The following PLOD2 variants were observed in gnomAD, a reference collection of about 807,000 sequenced individuals.
PLOD2 encodes the protein lysine hydroxylase 2.
PLOD2 carries 65 observed loss-of-function variants against 101.0 expected under a neutral mutation model. That is an observed-to-expected ratio of 0.64 (90% CI 0.53 to 0.79). The LOEUF (loss-of-function observed/expected upper bound fraction) is 0.79, where lower values mean the gene tolerates loss of function less well. Ranked by LOEUF, PLOD2 falls within the 30% of genes least tolerant of loss-of-function variation. The pLI, the probability that PLOD2 is intolerant of heterozygous loss-of-function variation, is 0.00. For missense variants in PLOD2, 909 were observed against 914.6 expected, an observed-to-expected ratio of 0.99 and a Z score of 0.08; for synonymous variants, 314 against 302.9, an observed-to-expected ratio of 1.04 and a Z score of -0.38.
intron 8 of PLOD2, 98 bp from the exon 9 acceptor site, chr3:146,088,809 GAATATCAATTC>G: frequency 9.8e-7 from 1 of 1,022,052 alleles, no homozygotes; most frequent in South Asian, 1.4e-5. Flanking sequence ...AAAAATACTA[GAATATCAATTC>G]AACATAATCT....
intron 1 of PLOD2, among the ~76,000 whole-genome samples, chr3:146,149,347 G>T (rs1188677419): frequency 6.6e-6 from 1 of 152,010 alleles, no homozygotes; most frequent in Non-Finnish European, 1.5e-5. Context: ...TTTAAATCTG[G>T]TTATAGAAAA....
At chr3:146,072,216 T>C (rs1041330961) in intron 17 of PLOD2, among the ~76,000 whole-genome samples, 2 of 151,722 alleles carry the variant, frequency 1.3e-5, no homozygotes, top group African/African-American at 4.8e-5. Context: ...CACAGCTCAC[T>C]GTGAAAACGC....
intron 1 of PLOD2, among the ~76,000 whole-genome samples, chr3:146,147,458 C>T (rs2031834993): frequency 6.6e-6 from 1 of 152,042 alleles, no homozygotes; most frequent in Non-Finnish European, 1.5e-5. Context: ...TAGAAGTGTG[C>T]CATCAGACTG....
intron 1 of PLOD2, among the ~76,000 whole-genome samples, chr3:146,148,314 A>ACAGG (rs1199046850): frequency 5.6e-4 from 74 of 132,562 alleles, no homozygotes; most frequent in Admixed American, 2.5e-3. Context: ...AATTATTTAT[A>ACAGG]CAGGCAGGCA....
chr3:146,103,878 G>A (rs543316728), intron 6 of PLOD2, among the ~76,000 whole-genome samples: 130 of 148,870 alleles, frequency 8.7e-4, no homozygotes, highest in African/African-American at 3.1e-3. Flanking sequence ...CTCTTCCCCA[G>A]TCTACTGTCT....
In PLOD2 at chr3:146,128,880, CTTTTTTTTTT is replaced by C. The variant is rs3975816; in HGVS notation, c.110-4661_110-4652del. On this transcript the variant is annotated intron_variant, in intron 1 of 19. Coordinates refer to ENST00000282903, the MANE Select transcript of PLOD2 (RefSeq NM_182943.3). ...CAGCTTCTGAAGTCCATCTGAAATCCTTTTTTTTTTTTTTTTTTTTTTTTTTTTTGAGACG... is the reference window on the plus strand; with the variant it reads ...CAGCTTCTGAAGTCCATCTGAAATCCTTTTTTTTTTTTTTTTTTTGAGACG... Among the ~76,000 whole-genome samples, 20 of 73,226 alleles carry C rather than the reference CTTTTTTTTTT, an allele frequency of 2.7e-4. 1 individual carries two copies. The highest frequency in any genetic ancestry group is 1.1e-3 in the Admixed American group (5 of 4,354). 48.0% of individuals were successfully genotyped at this position (73,226 alleles called of 152,430 possible).
intron 3 of PLOD2, among the ~76,000 whole-genome samples, chr3:146,116,504 GAAAAT>G (rs1937917259): frequency 6.6e-6 from 1 of 152,034 alleles, no homozygotes; most frequent in Admixed American, 6.6e-5. Flanking sequence ...CTGTTGGAAA[GAAAAT>G]AAGTATATCA....
At chr3:146,109,165 T>C (rs1352261750) in intron 4 of PLOD2, among the ~76,000 whole-genome samples, 3 of 152,186 alleles carry the variant, frequency 2.0e-5, no homozygotes, top group Non-Finnish European at 4.4e-5. Flanking sequence ...CACTTGAATA[T>C]GGAAGTTAAA....
At chr3:146,145,119 A>G (rs2031716482) in intron 1 of PLOD2, among the ~76,000 whole-genome samples, 1 of 152,166 alleles carries the variant, frequency 6.6e-6, no homozygotes, top group African/African-American at 2.4e-5. Context: ...AATTTAGATG[A>G]CAAACGTCAT....
rs376387200 is a variant in PLOD2 at position 146,106,568 on chromosome 3, G to C, written c.579C>G (p.Leu193=). ...WNLQDNDDDQ[L]FYTKVYIDPL... is the part of the protein sequence containing the mutation. ...GATCAATGTAAACTTTAGTGTAAAA[G>C]AGCTGATCATCATCATTATCCTGGA... The change falls in exon 5 of 20, where the codon CTC becomes CTG. Residue 193 remains leucine, a synonymous_variant. Coordinates refer to ENST00000282903, the MANE Select transcript of PLOD2 (RefSeq NM_182943.3). 6.3e-7 allele frequency: 1 copy of C among 1,586,564 alleles called. No homozygotes were observed. Among genetic ancestry groups the C allele is most frequent in the Non-Finnish European group, 8.7e-7 (1 of 1,155,162 alleles).
chr3:146,155,206 G>GC (rs2032240265), intron 1 of PLOD2, among the ~76,000 whole-genome samples: 1 of 152,108 alleles, frequency 6.6e-6, no homozygotes, highest in Admixed American at 6.6e-5. Context: ...TGCAGTCCCA[G>GC]CTACTTGGGA....
intron 1 of PLOD2, among the ~76,000 whole-genome samples, chr3:146,124,836 A>G (rs1188464373): frequency 6.6e-6 from 1 of 152,042 alleles, no homozygotes; most frequent in Non-Finnish European, 1.5e-5. Flanking sequence ...GTTTCTCTTT[A>G]AAGAATAAAT....
chr3:146,114,463 C>A (rs975320259), intron 3 of PLOD2, among the ~76,000 whole-genome samples: 1 of 152,128 alleles, frequency 6.6e-6, no homozygotes, highest in African/African-American at 2.4e-5. Context: ...ATCCAGCCAA[C>A]AGTCCCAGCT....
At chr3:146,074,432 C>T (rs1936259071) in intron 15 of PLOD2, among the ~76,000 whole-genome samples, 1 of 151,310 alleles carries the variant, frequency 6.6e-6, no homozygotes, top group African/African-American at 2.4e-5. Flanking sequence ...AATATTTATA[C>T]CATAATTTAT....
intron 1 of PLOD2, among the ~76,000 whole-genome samples, chr3:146,133,958 G>A (rs184860418): frequency 7.8e-4 from 119 of 152,264 alleles, no homozygotes; most frequent in African/African-American, 2.8e-3. Context: ...AGCTTGGGAT[G>A]CTAAATTAAG....
At chr3:146,107,942 C>T (rs778918123) in intron 4 of PLOD2, among the ~76,000 whole-genome samples, 17 of 151,778 alleles carry the variant, frequency 1.1e-4, no homozygotes, top group Non-Finnish European at 2.1e-4. Flanking sequence ...CCATGCCTGG[C>T]ATCAAATAAA....
At chr3:146,097,034 G>A (rs866471611) in intron 7 of PLOD2, among the ~76,000 whole-genome samples, 6 of 144,786 alleles carry the variant, frequency 4.1e-5, no homozygotes, top group African/African-American at 7.8e-5. Context: ...CAGCCGCCCC[G>A]TCCGGGAGGT....
intron 12 of PLOD2, among the ~76,000 whole-genome samples, chr3:146,081,050 A>G (rs1292010213): frequency 6.6e-6 from 1 of 152,124 alleles, no homozygotes; most frequent in Non-Finnish European, 1.5e-5. Flanking sequence ...AAGGCAAAGC[A>G]TGTAATGTCT....
intron 4 of PLOD2, among the ~76,000 whole-genome samples, chr3:146,109,004 C>T (rs952750000): frequency 6.6e-6 from 1 of 152,140 alleles, no homozygotes; most frequent in African/African-American, 2.4e-5. Flanking sequence ...GGAAGCAGCA[C>T]CCATCCATGA....
Sources: gnomAD v4.1 joint callset for allele counts (sites outside exome capture counted in the v4.1 genomes callset) on GRCh38, gnomAD v4.1.1 for gene constraint, MANE v1.5 for transcripts, NCBI Gene and HGNC (gene_info 2026-07-23, HGNC 2026-07-21) for gene names.